Variants in DACH2 observed in about 807,000 individuals in gnomAD.
DACH2 encodes the protein dachshund homolog 2.
A neutral mutation model predicts 35.8 loss-of-function variants in DACH2; 17 were observed. The ratio of observed to expected loss-of-function variants is 0.48; its 90% CI spans 0.33 to 0.71. The LOEUF is 0.71. Ranked by LOEUF, DACH2 falls within the 30% of genes least tolerant of loss-of-function variation. DACH2 has a pLI of 0.02. For synonymous variants in DACH2, 195 were observed against 177.3 expected, an observed-to-expected ratio of 1.10 and a Z score of -0.79; for missense variants, 469 against 472.7, an observed-to-expected ratio of 0.99 and a Z score of 0.07.
At chrX:86,293,176 T>A (rs2034349322) in intron 1 of DACH2, among the ~76,000 whole-genome samples, 1 of 105,219 alleles carries the variant, frequency 9.5e-6, no homozygotes, top group Non-Finnish European at 1.9e-5. Flanking sequence ...TTTACCATTA[T>A]GTAATGGCCT....
intron 2 of DACH2, among the ~76,000 whole-genome samples, chrX:86,437,906 G>A (rs1050268177): frequency 2.9e-4 from 32 of 108,553 alleles, no homozygotes; most frequent in Non-Finnish European, 5.0e-4. Flanking sequence ...TTAGATTCAA[G>A]GGTAAATGTG....
At chrX:86,629,793 C>T (rs1408711390) in intron 3 of DACH2, among the ~76,000 whole-genome samples, 1 of 110,082 alleles carries the variant, frequency 9.1e-6, no homozygotes, top group Non-Finnish European at 1.9e-5. Context: ...GTGGGAGGAT[C>T]CATTGAGTCT....
At chrX:86,303,220 T>G (rs1434789849) in intron 1 of DACH2, among the ~76,000 whole-genome samples, 2 of 108,072 alleles carry the variant, frequency 1.9e-5, no homozygotes, top group African/African-American at 6.7e-5. Context: ...TAAGTAGTCC[T>G]TATGGTCTTG....
chrX:86,270,960 A>G (rs1388111032), intron 1 of DACH2, among the ~76,000 whole-genome samples: 3 of 112,040 alleles, frequency 2.7e-5, no homozygotes, highest in Non-Finnish European at 3.8e-5. Context: ...AATATCTTTC[A>G]TTTGAATCAA....
chrX:86,286,526 T>A (rs952355523), intron 1 of DACH2, among the ~76,000 whole-genome samples: 1 of 111,407 alleles, frequency 9.0e-6, no homozygotes, highest in Non-Finnish European at 1.9e-5. Context: ...GGTATTCTCC[T>A]CCTTCATTTT....
chrX:86,164,102 A>G (rs1042162171), intron 1 of DACH2, among the ~76,000 whole-genome samples: 1 of 109,896 alleles, frequency 9.1e-6, no homozygotes, highest in African/African-American at 3.3e-5. Context: ...TTATTTATTT[A>G]TTTTTTGCTT....
chrX:86,692,395 A>C (rs1602795020), intron 4 of DACH2, among the ~76,000 whole-genome samples: 1 of 110,625 alleles, frequency 9.0e-6, no homozygotes. Context: ...TGTCATTAAC[A>C]TAGTAGTTAA....
chrX:86,546,799 C>A (rs2038981112), intron 3 of DACH2, among the ~76,000 whole-genome samples: 1 of 110,151 alleles, frequency 9.1e-6, no homozygotes, highest in African/African-American at 3.3e-5. Context: ...CAGGCTTCAG[C>A]CACTGCGCCC....
chrX:86,201,203 G>A (rs540614954), intron 1 of DACH2, among the ~76,000 whole-genome samples: 8 of 106,592 alleles, frequency 7.5e-5, no homozygotes, highest in African/African-American at 1.0e-4. Flanking sequence ...ACTAAATACC[G>A]CATGTTCTCA....
intron 7 of DACH2, among the ~76,000 whole-genome samples, chrX:86,788,544 C>T (rs2042159798): frequency 8.9e-6 from 1 of 112,091 alleles, no homozygotes; most frequent in African/African-American, 3.2e-5. Context: ...ATATGCAAAA[C>T]ATTATTTGTA....
chrX:86,685,477 G>T, intron 4 of DACH2, among the ~76,000 whole-genome samples: 1 of 110,980 alleles, frequency 9.0e-6, no homozygotes, highest in Non-Finnish European at 1.9e-5. Flanking sequence ...CATTTTCTAG[G>T]GTATGCATAA....
intron 4 of DACH2, among the ~76,000 whole-genome samples, chrX:86,685,686 T>A (rs2040933794): frequency 9.0e-6 from 1 of 111,172 alleles, no homozygotes; most frequent in Non-Finnish European, 1.9e-5. Context: ...CAGGGAGCTT[T>A]TATTCATGGT....
At chrX:86,388,614 A>G (rs2036155712) in intron 2 of DACH2, among the ~76,000 whole-genome samples, 1 of 111,987 alleles carries the variant, frequency 8.9e-6, no homozygotes, top group Non-Finnish European at 1.9e-5. Context: ...AGGAAGAACC[A>G]TGTAGCTTTG....
Position 86,699,797 on chromosome X carries a change from T to G in DACH2, c.931+4618T>G, listed in dbSNP as rs569436052. ...AGTTTCTCTAGTTGTGAGATTAGGT[T>G]GTTAATTTGAGATCTTCCAAACTAT... On this transcript the variant is annotated intron_variant, in intron 5 of 11. Transcript: ENST00000373125. Among the ~76,000 whole-genome samples, 9 of 111,698 alleles carry G rather than the reference T, an allele frequency of 8.1e-5. No individual in the cohort carries two copies. The South Asian group carries it at 3.3e-3, about 41-fold the overall frequency.
intron 4 of DACH2, among the ~76,000 whole-genome samples, chrX:86,671,850 G>A (rs778359924): frequency 9.0e-6 from 1 of 111,651 alleles, no homozygotes; most frequent in South Asian, 3.8e-4. Context: ...ACAGTTGCGA[G>A]GGCTCAGAAG....
intron 4 of DACH2, among the ~76,000 whole-genome samples, chrX:86,689,487 A>G (rs1298772952): frequency 4.5e-5 from 5 of 111,827 alleles, no homozygotes; most frequent in African/African-American, 1.6e-4. Context: ...ATGATTTAAA[A>G]TATTTTTCTA....
chrX:86,494,366 A>G (rs1327469525), intron 2 of DACH2, among the ~76,000 whole-genome samples: 2 of 112,161 alleles, frequency 1.8e-5, no homozygotes, highest in African/African-American at 6.5e-5. Flanking sequence ...CTGAGTGGCT[A>G]CTATGAGCCC....
intron 1 of DACH2, among the ~76,000 whole-genome samples, chrX:86,231,155 G>A (rs2032939700): frequency 8.9e-6 from 1 of 111,957 alleles, no homozygotes; most frequent in Non-Finnish European, 1.9e-5. Context: ...TGCCTTAGCT[G>A]TATCCCAGAG....
chrX:86,801,281 TA>T (rs775629729), intron 7 of DACH2, among the ~76,000 whole-genome samples: 1 of 109,714 alleles, frequency 9.1e-6, no homozygotes, highest in Non-Finnish European at 1.9e-5. Flanking sequence ...GTGCAGTGGC[TA>T]TTCGTAGGCA....
Sources: allele counts gnomAD v4.1 joint callset (sites outside exome capture counted in the v4.1 genomes callset), GRCh38; gene constraint gnomAD v4.1.1; transcripts MANE v1.5; gene names NCBI Gene and HGNC (gene_info 2026-07-23, HGNC 2026-07-21).